The following LRP2 variants were observed in gnomAD, a reference collection of about 807,000 sequenced individuals.
LRP2 encodes low-density lipoprotein receptor-related protein 2.
LRP2 carries 172 observed loss-of-function variants against 531.0 expected under a neutral mutation model. The observed-to-expected ratio is 0.32, with a 90% CI of 0.29 to 0.37. The LOEUF (loss-of-function observed/expected upper bound fraction) is 0.37, where lower values mean the gene tolerates loss of function less well. Among genes scored for constraint, LRP2 ranks in the 10% least tolerant of loss-of-function variants. The pLI, the probability that LRP2 is intolerant of heterozygous loss-of-function variation, is 1.00. For synonymous variants in LRP2, 1,992 were observed against 2,027.6 expected (o/e 0.98, Z 0.47); for missense variants, 5,167 against 5,868.3 (o/e 0.88, Z 3.90).
Position 169,241,097 on chromosome 2 carries a change from A to C in LRP2, c.3936T>G (p.Cys1312Trp). The stretch of plus-strand genomic sequence containing the variant: ...CAAGACACTGCCATTGCCAACTAGG[A>C]CAGCGAAAGGGCTGAGTAGGGCAGT... ...EKDCPTQPFR[C>W]PSWQWQCLGH... The change falls in exon 25 of 79, where the codon TGT (cysteine) becomes TGG (tryptophan). Residue 1312 changes from cysteine to tryptophan, a missense_variant. Physicochemically the swap from Cys to Trp is radical, Grantham distance 215 (BLOSUM62 -2). Transcript: ENST00000649046. The C allele has an allele frequency of 6.2e-7, 1 of 1,614,074 alleles. No homozygotes were observed. The highest frequency in any genetic ancestry group is 8.5e-7 in the Non-Finnish European group (1 of 1,179,924).
intron 4 of LRP2, among the ~76,000 whole-genome samples, chr2:169,300,919 C>T (rs1559064910): frequency 1.3e-5 from 2 of 152,078 alleles, no homozygotes; most frequent in African/African-American, 2.4e-5. Context: ...TTTTATTCCC[C>T]TCCCACTGTT....
intron 29 of LRP2, among the ~76,000 whole-genome samples, chr2:169,233,831 T>C (rs1367070004): frequency 6.6e-6 from 1 of 152,228 alleles, no homozygotes; most frequent in East Asian, 1.9e-4. Context: ...CCTTGGTAAT[T>C]ACACTGGGCA....
intron 74 of LRP2, 118 bp downstream of exon 74, chr2:169,139,133 G>A (rs1685624926): frequency 2.8e-6 from 4 of 1,452,680 alleles, no homozygotes; most frequent in Non-Finnish European, 3.9e-6. Flanking sequence ...TTGTTTCTGT[G>A]GAATCGGTGA....
At position 169,145,920 on chromosome 2, in the gene LRP2, A is replaced by T; in HGVS notation, c.12815T>A (p.Met4272Lys). 1.9e-6 allele frequency: 3 copies of T among 1,614,030 alleles called. No individual in the cohort carries two copies. The highest frequency in any genetic ancestry group is 2.5e-6 in the Non-Finnish European group (3 of 1,179,958). The change falls in exon 70 of 79, where the codon ATG becomes AAG. Residue 4272 changes from methionine (M) to lysine (K), a missense_variant. Around this residue, in one of 6 missense-constraint regions of LRP2, gnomAD observed 564 missense variants for 747.7 expected, o/e 0.75. Transcript: ENST00000649046. ...TDRRVIAKEA[M>K]NPYSLDIFED... Reference sequence around the variant, plus strand: ...AAAGATGTCCAGGCTGTAAGGGTTCATTGCTGCTTACCCACAGGGGAAAAA... The same window carrying T: ...AAAGATGTCCAGGCTGTAAGGGTTCTTTGCTGCTTACCCACAGGGGAAAAA...
intron 3 of LRP2, among the ~76,000 whole-genome samples, chr2:169,314,248 A>AT (rs146728774): frequency 0.26 from 39,136 of 151,128 alleles, 5,731 homozygotes; most frequent in African/African-American, 0.42. Flanking sequence ...GAAAAAAAAA[A>AT]TAAATTTAGC....
rs1232711567 is a variant in LRP2 at position 169,197,010 on chromosome 2, T to C, written c.8599A>G (p.Ser2867Gly). ...TYCTTHTCSSSEFQCASGRCI... is the reference protein window; with the variant it reads ...TYCTTHTCSSGEFQCASGRCI... ...CGCCCAGATGCGCATTGGAACTCAC[T>C]GCTGCTGCACGTGTGAGTGGCTGCA... The change falls in exon 46 of 79, where the codon AGT becomes GGT. Residue 2867 changes from serine (S) to glycine (G), a missense_variant. Around this residue, in one of 6 missense-constraint regions of LRP2, gnomAD observed 1,129 missense variants for 1,362.7 expected, o/e 0.83. Transcript: ENST00000649046. 3 of 1,613,812 alleles carry C rather than the reference T, an allele frequency of 1.9e-6. No homozygotes were observed. The highest frequency in any genetic ancestry group is 2.5e-6 in the Non-Finnish European group (3 of 1,179,910).
intron 4 of LRP2, among the ~76,000 whole-genome samples, chr2:169,295,505 T>A (rs890976167): frequency 3.9e-5 from 6 of 152,202 alleles, no homozygotes; most frequent in African/African-American, 1.4e-4. Context: ...CTGTCCCTCC[T>A]CTCTACTTGC....
intron 1 of LRP2, among the ~76,000 whole-genome samples, chr2:169,349,957 C>T (rs1685802155): frequency 6.6e-6 from 1 of 152,196 alleles, no homozygotes; most frequent in Non-Finnish European, 1.5e-5. Context: ...TGTGATCTGA[C>T]TGATGTTCTA....
chr2:169,283,070 T>A, intron 9 of LRP2, 69 bp from the exon 10 acceptor site: 1 of 1,550,006 alleles, frequency 6.5e-7, no homozygotes, highest in Non-Finnish European at 8.9e-7. Flanking sequence ...CTGACAAAAA[T>A]CCTAGATAAG....
At position 169,150,984 on chromosome 2, in the gene LRP2, C is replaced by A. The variant is rs1437597144; in HGVS notation, c.12504G>T (p.Val4168=). 9 of 1,614,052 alleles carry A rather than the reference C, an allele frequency of 5.6e-6. No individual in the cohort carries two copies. Among genetic ancestry groups the A allele is most frequent in the Non-Finnish European group, 6.8e-6 (8 of 1,179,924 alleles). Residue 4168 remains valine, a synonymous_variant, in exon 68 of 79, where the codon GTG becomes GTT. Transcript: ENST00000649046. ...WSDVKNKRIE[V]AKLDGRYRKW... ...TTCTGTACCTTCCATCAAGTTTAGCCACCTCAATGCGTTTATTCTTGACAT... is the reference window on the plus strand; with the variant it reads ...TTCTGTACCTTCCATCAAGTTTAGCAACCTCAATGCGTTTATTCTTGACAT...
intron 3 of LRP2, among the ~76,000 whole-genome samples, chr2:169,311,581 C>G (rs943119132): frequency 6.6e-6 from 1 of 152,176 alleles, no homozygotes; most frequent in South Asian, 2.1e-4. Flanking sequence ...GTTATAATTT[C>G]TGTCCTTTTA....
chr2:169,222,839 C>A (rs558728066), intron 33 of LRP2, among the ~76,000 whole-genome samples: 27 of 152,208 alleles, frequency 1.8e-4, no homozygotes, highest in South Asian at 1.0e-3. Flanking sequence ...TGAAACCCTC[C>A]GATAAGCAAG....
chr2:169,176,045 G>T (rs909723443), intron 54 of LRP2, among the ~76,000 whole-genome samples: 5 of 152,202 alleles, frequency 3.3e-5, no homozygotes, highest in African/African-American at 1.2e-4. Flanking sequence ...CAGCTAAGGA[G>T]CTAGGCCGGC....
chr2:169,330,541 G>T (rs1344818760), intron 1 of LRP2, among the ~76,000 whole-genome samples: 2 of 152,106 alleles, frequency 1.3e-5, no homozygotes, highest in African/African-American at 4.8e-5. Flanking sequence ...CAGTCCATCA[G>T]CACTACAGAA....
rs114099878 is a variant in LRP2, at chr2:169,236,359, T to C, written c.4692-291A>G. 1.5e-3 allele frequency among the ~76,000 whole-genome samples: 226 copies of C among 152,314 alleles called. 1 individual carries two copies. Among genetic ancestry groups the C allele is most frequent in the African/African-American group, 5.2e-3 (218 of 41,570 alleles). Reference sequence around the variant, plus strand: ...ATGTCTCAATGCCAATTCATGTTTGTTTATAATCCACAAATAGTTGATCTA... The same window carrying C: ...ATGTCTCAATGCCAATTCATGTTTGCTTATAATCCACAAATAGTTGATCTA... On this transcript the variant is annotated intron_variant, in intron 28 of 78. Coordinates refer to ENST00000649046, the MANE Select transcript of LRP2 (RefSeq NM_004525.3).
At position 169,185,185 on chromosome 2, in the gene LRP2, C is replaced by T. The variant is rs6747214; in HGVS notation, c.9845+318G>A. Among the ~76,000 whole-genome samples the T allele has an allele frequency of 0.71, 107,642 of 152,108 alleles. 38,349 individuals carry two copies. Among genetic ancestry groups the T allele is most frequent in the South Asian group, 0.8 (3,880 of 4,822 alleles). On this transcript the variant is annotated intron_variant, in intron 50 of 78. Coordinates refer to ENST00000649046, the MANE Select transcript of LRP2 (RefSeq NM_004525.3). ...CATGTAGGAGGGACTCAGGAAGTAA[C>T]GACTGAATGCACCAATGAATGCATG...
rs138673723 is a variant in LRP2, at chr2:169,206,459, C to T, written c.7261G>A (p.Val2421Ile). Residue 2421 changes from valine to isoleucine, a missense_variant, in exon 39 of 79, where the codon GTC (valine) becomes ATC (isoleucine). Coordinates refer to ENST00000649046, the MANE Select transcript of LRP2 (RefSeq NM_004525.3). ...ACACTGTCATAGTCTAGAGACATGA[C>T]AGTTCTTTCCACATTTATTGTTTGG... ...PFQTINVERT[V>I]MSLDYDSVSD... is the part of the protein sequence containing the mutation. 249 of 1,614,036 alleles carry T rather than the reference C, an allele frequency of 1.5e-4. No individual in the cohort carries two copies. Among genetic ancestry groups the T allele is most frequent in the Non-Finnish European group, 2.0e-4 (233 of 1,180,026 alleles).
chr2:169,349,237 G>A (rs1044403258), intron 1 of LRP2, among the ~76,000 whole-genome samples: 8 of 152,116 alleles, frequency 5.3e-5, no homozygotes, highest in African/African-American at 1.2e-4. Context: ...AGAAGAGGTC[G>A]GGAAAGAATC....
At chr2:169,308,910 C>A (rs1197469790) in intron 3 of LRP2, among the ~76,000 whole-genome samples, 2 of 152,066 alleles carry the variant, frequency 1.3e-5, no homozygotes, top group African/African-American at 4.8e-5. Context: ...TTAATGATCA[C>A]CATTCTAACT....
Sources: gnomAD v4.1 joint callset for allele counts (sites outside exome capture counted in the v4.1 genomes callset) on GRCh38, gnomAD v4.1.1 for gene constraint, gnomAD v4.1.1 regional missense constraint, MANE v1.5 for transcripts, NCBI Gene and HGNC (gene_info 2026-07-23, HGNC 2026-07-21) for gene names.